The following CCDC150 variants were observed in gnomAD, a reference collection of about 807,000 sequenced individuals.
The protein encoded by CCDC150 is coiled-coil domain containing 150, also known as coiled-coil domain-containing protein 150.
In CCDC150, 151 loss-of-function variants were observed where a neutral mutation model predicts 156.5. That is an observed-to-expected ratio of 0.97 (90% CI 0.85 to 1.10). The LOEUF is 1.10. Ranked by LOEUF, CCDC150 falls within the 50% of genes least tolerant of loss-of-function variation. The pLI, the probability that CCDC150 is intolerant of heterozygous loss-of-function variation, is 0.00. For synonymous variants in CCDC150, 452 were observed against 429.4 expected (o/e 1.05, Z -0.65); for missense variants, 1,312 against 1,268.1 (o/e 1.03, Z -0.53).
At chr2:196,660,448 A>G (rs1367783371) in intron 5 of CCDC150, among the ~76,000 whole-genome samples, 1 of 152,192 alleles carries the variant, frequency 6.6e-6, no homozygotes, top group Non-Finnish European at 1.5e-5. Flanking sequence ...AATAAGAGTT[A>G]TGGTTGCTGC....
At chr2:196,656,485 T>G in intron 2 of CCDC150, 148 bp from the exon 3 acceptor site, 1 of 618,210 alleles carries the variant, frequency 1.6e-6, no homozygotes, top group Non-Finnish European at 2.9e-6. Flanking sequence ...TGTGTCCCTA[T>G]GTGGAGGGAG....
chr2:196,713,654 G>C, intron 17 of CCDC150: 1 of 1,415,146 alleles, frequency 7.1e-7, no homozygotes, highest in Non-Finnish European at 9.3e-7. Flanking sequence ...AATAAATGAT[G>C]AATCACCAAA....
intron 2 of CCDC150, among the ~76,000 whole-genome samples, chr2:196,653,114 T>G (rs1473594057): frequency 6.6e-6 from 1 of 152,230 alleles, no homozygotes; most frequent in Non-Finnish European, 1.5e-5. Flanking sequence ...CTTCAGAGCC[T>G]TTTTCCCATT....
In CCDC150 at chr2:196,639,716, G is replaced by A; in HGVS notation, c.-51G>A. 1 of 1,506,828 alleles carries A rather than the reference G, an allele frequency of 6.6e-7. No individual in the cohort carries two copies. The highest frequency in any genetic ancestry group is 8.9e-7 in the Non-Finnish European group (1 of 1,118,604). 93.3% of individuals were successfully genotyped at this position (1,506,828 alleles called of 1,614,324 possible). A position where few individuals can be genotyped will look rare whatever the true frequency, so the allele number is the denominator to read the frequency against. ...CGGGTTGGTTTAAAATGCTGTGTTA[G>A]TTCCACGGAAACCCGCTCGCCTGCT... On this transcript the variant is annotated 5_prime_UTR_variant, in exon 1 of 28. Coordinates refer to ENST00000389175, the MANE Select transcript of CCDC150 (RefSeq NM_001080539.2).
At chr2:196,657,941 A>C (rs1693322211) in intron 4 of CCDC150, among the ~76,000 whole-genome samples, 1 of 152,174 alleles carries the variant, frequency 6.6e-6, no homozygotes, top group Non-Finnish European at 1.5e-5. Flanking sequence ...TATATAAACT[A>C]GCCTTACAAG....
At chr2:196,698,922 TTTGCTTTTGTGGTATTA>T (rs1452476393) in intron 14 of CCDC150, among the ~76,000 whole-genome samples, 3 of 152,204 alleles carry the variant, frequency 2.0e-5, no homozygotes, top group Non-Finnish European at 2.9e-5. Context: ...TTCTTGTAGC[TTTGCTTTTGTGGTATTA>T]TTGACCATCC....
intron 15 of CCDC150, among the ~76,000 whole-genome samples, chr2:196,709,202 C>A (rs941067953): frequency 2.0e-5 from 3 of 152,122 alleles, no homozygotes; most frequent in Non-Finnish European, 2.9e-5. Flanking sequence ...TTGTTGATTT[C>A]TTTTTACTCT....
chr2:196,657,974 A>G (rs1693324729), intron 4 of CCDC150, among the ~76,000 whole-genome samples: 1 of 152,182 alleles, frequency 6.6e-6, no homozygotes, highest in African/African-American at 2.4e-5. Context: ...TTTGTGGGAA[A>G]TAAGTTGGAT....
chr2:196,650,368 T>C (rs1459342106), intron 2 of CCDC150, among the ~76,000 whole-genome samples: 1 of 152,194 alleles, frequency 6.6e-6, no homozygotes, highest in Non-Finnish European at 1.5e-5. Context: ...ATGATCCTTT[T>C]ACTGTACTGT....
At chr2:196,657,569 T>C (rs1458283710) in intron 4 of CCDC150, 3 of 171,992 alleles carry the variant, frequency 1.7e-5, no homozygotes, top group Non-Finnish European at 3.8e-5. Flanking sequence ...AGGGTGAGGA[T>C]GCTCTATCTA....
At chr2:196,730,825 G>A (rs758387325) in intron 25 of CCDC150, 34 bp from the exon 26 acceptor site, 1 of 1,494,218 alleles carries the variant, frequency 6.7e-7, no homozygotes, top group Admixed American at 2.0e-5. Context: ...TGGTATGTTG[G>A]AAGTTTATAA....
chr2:196,657,077 A>G lies in CCDC150; in HGVS notation c.517A>G (p.Lys173Glu). 6.2e-7 allele frequency: 1 copy of G among 1,613,884 alleles called. No individual in the cohort carries two copies. The highest frequency in any genetic ancestry group is 8.5e-7 in the Non-Finnish European group (1 of 1,179,764). The change falls in exon 4 of 28, where the codon AAG becomes GAG. Residue 173 changes from lysine to glutamate, a missense_variant. Coordinates refer to ENST00000389175, the MANE Select transcript of CCDC150 (RefSeq NM_001080539.2). ...QLRAVKEEED[K>E]AQDEVQRLTA... is the part of the protein sequence containing the mutation. ...GAGAGCTGTAAAAGAGGAAGAAGAC[A>G]AGGCACAAGATGAGGTGCAAAGGTT... is the stretch of plus-strand genomic sequence containing the variant.
chr2:196,643,150 A>T (rs1020910000), intron 1 of CCDC150, among the ~76,000 whole-genome samples: 8 of 152,352 alleles, frequency 5.3e-5, no homozygotes, highest in Middle Eastern at 3.4e-3. Context: ...GACTAAGAGG[A>T]TATTTTAAGG....
Position 196,732,110 on chromosome 2 carries a change from C to T in CCDC150, c.3147C>T (p.Asn1049=), listed in dbSNP as rs1698551088. 4 of 1,613,706 alleles carry T rather than the reference C, an allele frequency of 2.5e-6. No homozygotes were observed. In the South Asian group the frequency reaches 4.4e-5, roughly 18 times the overall value. ...FDGLQLELTK[N]RLQRPSGEDR... ...GTCTACAACTTGAGCTGACAAAAAA[C>T]CGGTTGCAGAGGCCTTCTGGGGAAG... The change falls in exon 27 of 28, where the codon AAC becomes AAT. Residue 1049 remains asparagine (N), a synonymous_variant. Coordinates refer to ENST00000389175, the MANE Select transcript of CCDC150 (RefSeq NM_001080539.2).
intron 9 of CCDC150, among the ~76,000 whole-genome samples, chr2:196,673,211 A>G (rs1338175334): frequency 6.6e-6 from 1 of 152,208 alleles, no homozygotes; most frequent in Non-Finnish European, 1.5e-5. Context: ...TTATATTAGT[A>G]ACAAATTGTA....
intron 16 of CCDC150, 198 bp from the exon 17 acceptor site, chr2:196,712,479 T>A (rs542072643): frequency 1.7e-6 from 1 of 591,146 alleles, no homozygotes; most frequent in South Asian, 2.5e-5. Flanking sequence ...AACTTGCTTA[T>A]TATAGTTAGG....
intron 14 of CCDC150, among the ~76,000 whole-genome samples, chr2:196,698,811 G>A (rs750714075): frequency 3.7e-4 from 56 of 152,144 alleles, no homozygotes; most frequent in Admixed American, 2.7e-3. Flanking sequence ...TTTAACATTA[G>A]GTATATCTCC....
In CCDC150 at chr2:196,676,264, A is replaced by T; in HGVS notation, c.1259A>T (p.His420Leu). 6.2e-7 allele frequency: 1 copy of T among 1,613,062 alleles called. No homozygotes were observed. Residue 420 changes from histidine to leucine, a missense_variant, in exon 11 of 28, where the codon CAT (histidine) becomes CTT (leucine). His to Leu is a moderately conservative substitution (Grantham distance 99). Coordinates refer to ENST00000389175, the MANE Select transcript of CCDC150 (RefSeq NM_001080539.2). ...VQNEKTQLQA[H>L]LDHLILEHNQ... ...AATGAGAAAACCCAACTCCAGGCAC[A>T]TCTGTAAGTAAATTATGGGCAACTT...
intron 13 of CCDC150, among the ~76,000 whole-genome samples, chr2:196,679,760 C>T (rs1694712219): frequency 1.3e-5 from 2 of 152,174 alleles, no homozygotes; most frequent in African/African-American, 4.8e-5. Context: ...AGTTTCTCTA[C>T]ATTCTCACTA....
Sources: allele counts gnomAD v4.1 joint callset (sites outside exome capture counted in the v4.1 genomes callset), GRCh38; gene constraint gnomAD v4.1.1; transcripts MANE v1.5; gene names NCBI Gene and HGNC (gene_info 2026-07-23, HGNC 2026-07-21).